Variants in MERTK observed in about 807,000 individuals in gnomAD.
MERTK encodes MER proto-oncogene, tyrosine kinase.
In MERTK, 69 loss-of-function variants were observed where a neutral mutation model predicts 99.3. The observed-to-expected ratio is 0.70, with a 90% CI of 0.57 to 0.85. MERTK has a LOEUF of 0.85. Among genes scored for constraint, MERTK ranks in the 40% least tolerant of loss-of-function variants. The probability of loss-of-function intolerance (pLI) is 0.00; values close to 1 mark genes in which losing one functional copy is unlikely to be tolerated. For missense variants in MERTK, 1,125 were observed against 1,249.4 expected, an observed-to-expected ratio of 0.90 and a Z score of 1.50; for synonymous variants, 426 against 467.6, an observed-to-expected ratio of 0.91 and a Z score of 1.15.
At position 111,937,640 on chromosome 2, in the gene MERTK, T is replaced by C. The variant is rs145400786; in HGVS notation, c.483-7320T>C. On this transcript the variant is annotated intron_variant, in intron 2 of 18. Transcript: ENST00000295408. ...TGGGGCTGATGCCTGTTGCCGGTTC[T>C]TTATTCTGCTGCTCTTGGTGGCAAT... Among the ~76,000 whole-genome samples, 968 of 152,256 alleles carry C rather than the reference T, an allele frequency of 6.4e-3. 13 individuals carry two copies. The highest frequency in any genetic ancestry group is 0.022 in the African/African-American group (934 of 41,530).
rs56693776 is a variant in MERTK, at chr2:111,964,043, C to CTTTTTTTTTTTTTTTT, written c.758-1136_758-1135insTTTTTTTTTTTTTTTT. ...GTTTCTCCACTCAAAAATTTTCTTT[C>CTTTTTTTTTTTTTTTT]TTTTTTTTTTTTGCTCTTTCCATAA... On this transcript the variant is annotated intron_variant, in intron 4 of 18. Coordinates refer to ENST00000295408, the MANE Select transcript of MERTK (RefSeq NM_006343.3). Among the ~76,000 whole-genome samples, 400 of 103,700 alleles carry CTTTTTTTTTTTTTTTT rather than the reference C, an allele frequency of 3.9e-3. 42 individuals are homozygous for CTTTTTTTTTTTTTTTT. The highest frequency in any genetic ancestry group is 6.5e-3 in the Middle Eastern group (1 of 154). The allele number at this position is 103,700 out of a possible 152,430, so 68.0% of individuals were successfully genotyped here.
chr2:111,987,697 C>T (rs1337853461), intron 8 of MERTK, among the ~76,000 whole-genome samples: 3 of 152,178 alleles, frequency 2.0e-5, no homozygotes, highest in African/African-American at 7.2e-5. Context: ...GTTCAGTGAG[C>T]AAATAGAATT....
chr2:111,954,254 A>G (rs550987008), intron 4 of MERTK, among the ~76,000 whole-genome samples: 34 of 152,296 alleles, frequency 2.2e-4, no homozygotes, highest in African/African-American at 8.2e-4. Context: ...TCGCAGGCCC[A>G]TGAGCGACTG....
intron 12 of MERTK, 133 bp downstream of exon 12, chr2:112,003,320 A>G (rs533217807): frequency 3.5e-6 from 2 of 571,634 alleles, no homozygotes; most frequent in South Asian, 4.1e-5. Context: ...GTTATATTTT[A>G]TTATTTAAAA....
intron 7 of MERTK, among the ~76,000 whole-genome samples, chr2:111,980,489 G>T (rs148277739): frequency 1.3e-5 from 2 of 149,882 alleles, no homozygotes; most frequent in East Asian, 3.9e-4. Context: ...CACAATCTCG[G>T]CTCACTGCAA....
At chr2:111,983,807 A>G (rs1042501423) in intron 8 of MERTK, among the ~76,000 whole-genome samples, 1 of 152,184 alleles carries the variant, frequency 6.6e-6, no homozygotes, top group South Asian at 2.1e-4. Flanking sequence ...TAGCCCCAGC[A>G]TGGCTCGGGG....
At chr2:111,933,669 C>CA in intron 2 of MERTK, among the ~76,000 whole-genome samples, 1 of 152,282 alleles carries the variant, frequency 6.6e-6, no homozygotes, top group South Asian at 2.1e-4. Flanking sequence ...TATCTGCACT[C>CA]ATTCTTTAAA....
At chr2:112,013,880 A>G (rs1312106007) in intron 15 of MERTK, among the ~76,000 whole-genome samples, 1 of 151,132 alleles carries the variant, frequency 6.6e-6, no homozygotes, top group African/African-American at 2.4e-5. Flanking sequence ...GGGGGATGGA[A>G]TTTCACTCTT....
In MERTK at chr2:111,984,951, C is replaced by T. The variant is rs1265771913; in HGVS notation, c.1296+1958C>T. Among the ~76,000 whole-genome samples, 6 of 152,222 alleles carry T rather than the reference C, an allele frequency of 3.9e-5. No individual in the cohort carries two copies. In the South Asian group the frequency reaches 6.2e-4, roughly 16 times the overall value. Reference sequence around the variant, plus strand: ...TGTGCTTGGAACTGGGTAGGGGTATCGTAGGGGAGCATCAATATGTCAGGT... The same window carrying T: ...TGTGCTTGGAACTGGGTAGGGGTATTGTAGGGGAGCATCAATATGTCAGGT... On this transcript the variant is annotated intron_variant, in intron 8 of 18. Transcript: ENST00000295408.
chr2:111,984,331 C>T (rs1676429053), intron 8 of MERTK, among the ~76,000 whole-genome samples: 1 of 152,306 alleles, frequency 6.6e-6, no homozygotes, highest in Middle Eastern at 3.4e-3. Flanking sequence ...CCTTCACAGA[C>T]ACACCCAGAA....
At chr2:111,928,442 T>C (rs1684608771) in intron 1 of MERTK, among the ~76,000 whole-genome samples, 1 of 150,984 alleles carries the variant, frequency 6.6e-6, no homozygotes, top group African/African-American at 2.4e-5. Context: ...TTTTAAAGAC[T>C]ATCAGCCAAA....
intron 6 of MERTK, among the ~76,000 whole-genome samples, chr2:111,971,781 T>A (rs1283919966): frequency 6.6e-6 from 1 of 152,248 alleles, no homozygotes; most frequent in Non-Finnish European, 1.5e-5. Flanking sequence ...TCAGCTGTTG[T>A]TGGATGAAGT....
chr2:112,007,291 AC>A (rs1677002368), intron 13 of MERTK, among the ~76,000 whole-genome samples: 1 of 152,168 alleles, frequency 6.6e-6, no homozygotes, highest in Non-Finnish European at 1.5e-5. Flanking sequence ...AGTAGCTGGA[AC>A]TACAGGCGCC....
intron 2 of MERTK, among the ~76,000 whole-genome samples, chr2:111,944,508 A>T: frequency 2.0e-5 from 3 of 152,428 alleles, no homozygotes; most frequent in African/African-American, 4.8e-5. Context: ...AATTCCTTAA[A>T]ATAATTCCTC....
intron 1 of MERTK, among the ~76,000 whole-genome samples, chr2:111,925,858 A>G (rs1297601280): frequency 1.3e-5 from 2 of 149,948 alleles, no homozygotes; most frequent in African/African-American, 4.9e-5. Context: ...TCTGAGACAG[A>G]GTCTCGCTCT....
At chr2:111,911,101 T>C (rs929276037) in intron 1 of MERTK, among the ~76,000 whole-genome samples, 1 of 152,172 alleles carries the variant, frequency 6.6e-6, no homozygotes, top group African/African-American at 2.4e-5. Flanking sequence ...GAGTGGCAAG[T>C]CAAGTGTGCT....
Position 111,994,395 on chromosome 2 carries a change from C to T in MERTK, c.1441C>T (p.Pro481Ser), listed in dbSNP as rs781442827. The change falls in exon 9 of 19, where the codon CCT becomes TCT. Residue 481 changes from proline to serine, a missense_variant. Pro to Ser is a moderately conservative substitution (Grantham distance 74, BLOSUM62 -1). Coordinates refer to ENST00000295408, the MANE Select transcript of MERTK (RefSeq NM_006343.3). Reference protein sequence around the residue: ...PFSDPVKIFIPAHGWVDYAPS... With the variant: ...PFSDPVKIFISAHGWVDYAPS... ...CAGTGATCCAGTGAAAATATTTATC[C>T]CTGCACACGGTGAGAGCTATACCCA... 2.1e-5 allele frequency: 34 copies of T among 1,613,926 alleles called. No individual in the cohort carries two copies. The East Asian group carries it at 5.8e-4, about 27-fold the overall frequency.
intron 4 of MERTK, among the ~76,000 whole-genome samples, chr2:111,961,876 G>A (rs1004891383): frequency 2.0e-5 from 3 of 152,206 alleles, no homozygotes; most frequent in African/African-American, 4.8e-5. Flanking sequence ...CAGCCGGGGC[G>A]CAGTCGTGGC....
Position 112,005,100 on chromosome 2 carries a change from CT to C in MERTK, c.1867+1117del, listed in dbSNP as rs1318939292. ...TTTTTTTAATTGAGATGGAGTCTCACTGTGTCACACAGGCTGGCGTGCAGTG... is the reference window on the plus strand; with the variant it reads ...TTTTTTTAATTGAGATGGAGTCTCACGTGTCACACAGGCTGGCGTGCAGTG... On this transcript the variant is annotated intron_variant, in intron 13 of 18. Transcript: ENST00000295408. 2.0e-5 allele frequency among the ~76,000 whole-genome samples: 3 copies of C among 152,062 alleles called. No individual in the cohort carries two copies. In the East Asian group the frequency reaches 5.8e-4, roughly 29 times the overall value.
Sources: gnomAD v4.1 joint callset for allele counts (sites outside exome capture counted in the v4.1 genomes callset) on GRCh38, gnomAD v4.1.1 for gene constraint, MANE v1.5 for transcripts, NCBI Gene and HGNC (gene_info 2026-07-23, HGNC 2026-07-21) for gene names.